Variants in ERAP2 observed in about 807,000 individuals in gnomAD.
ERAP2 encodes leukocyte-derived arginine aminopeptidase.
Under a neutral mutation model 111.1 loss-of-function variants are expected in ERAP2, and 118 were observed. The observed-to-expected ratio is 1.06, with a 90% CI of 0.92 to 1.24. ERAP2 has a LOEUF of 1.24. Ranked by LOEUF, ERAP2 falls within the 50% of genes most tolerant of loss-of-function variation. ERAP2 has a pLI of 0.00. For synonymous variants in ERAP2, 410 were observed against 401.2 expected (o/e 1.02, Z -0.26); for missense variants, 1,131 against 1,125.8 (o/e 1.00, Z -0.07).
chr5:96,893,513 C>T (rs1056139887), intron 6 of ERAP2, among the ~76,000 whole-genome samples: 6 of 152,142 alleles, frequency 3.9e-5, no homozygotes, highest in African/African-American at 1.4e-4. Context: ...GATCATGAGT[C>T]ACCAGGAGCT....
In ERAP2 at chr5:96,892,422, C is replaced by G; in HGVS notation, c.1094C>G (p.Thr365Ser). The G allele has an allele frequency of 6.2e-7, 1 of 1,613,996 alleles. No individual in the cohort carries two copies. The highest frequency in any genetic ancestry group is 1.1e-5 in the South Asian group (1 of 91,084). Reference protein sequence around the residue: ...TSSASDKLWVTRVIAHELAHQ... With the variant: ...TSSASDKLWVSRVIAHELAHQ... ...TCTGCTTCCGATAAACTGTGGGTCA[C>G]CAGAGTCATAGCCCATGAACTGGCG... Residue 365 changes from threonine to serine, a missense_variant, in exon 6 of 19, where the codon ACC becomes AGC. Thr to Ser is a moderately conservative substitution (Grantham distance 58). Around this residue, in one of 3 missense-constraint regions of ERAP2, gnomAD observed 847 missense variants for 856.5 expected, o/e 0.99. Transcript: ENST00000437043.
At chr5:96,902,811 A>G (rs1240766461) in intron 12 of ERAP2, 2 of 155,966 alleles carry the variant, frequency 1.3e-5, no homozygotes, top group African/African-American at 4.8e-5. Context: ...TAAAGACTAA[A>G]CCTCACAGAG....
At chr5:96,889,541 C>G (rs2151140907) in intron 5 of ERAP2, 1 of 689,862 alleles carries the variant, frequency 1.4e-6, no homozygotes, top group Admixed American at 2.2e-5. Context: ...GTTAACATAT[C>G]TGCATCGAAC....
chr5:96,876,866 G>A (rs1782587012), intron 1 of ERAP2, among the ~76,000 whole-genome samples: 1 of 152,140 alleles, frequency 6.6e-6, no homozygotes, highest in African/African-American at 2.4e-5. Flanking sequence ...CCAGACCAAA[G>A]GGCAAAGAGC....
Position 96,886,643 on chromosome 5 carries a change from T to C in ERAP2, c.715-12T>C, listed in dbSNP as rs755929019. 5 of 1,497,572 alleles carry C rather than the reference T, an allele frequency of 3.3e-6. No individual in the cohort carries two copies. The highest frequency in any genetic ancestry group is 1.3e-5 in the South Asian group (1 of 74,252). 92.8% of individuals were successfully genotyped at this position (1,497,572 alleles called of 1,614,324 possible). On this transcript the variant is annotated splice_polypyrimidine_tract_variant and intron_variant, in intron 3 of 18. Coordinates refer to ENST00000437043, the MANE Select transcript of ERAP2 (RefSeq NM_022350.5). ...GTTTTCAAGTACTGATTATTCCTTT[T>C]CCTTTCTGTAGGTTAAGACAATTGA...
chr5:96,878,906 C>T (rs1187723554), intron 1 of ERAP2, among the ~76,000 whole-genome samples: 1 of 152,104 alleles, frequency 6.6e-6, no homozygotes, highest in African/African-American at 2.4e-5. Context: ...CCAACCTGGA[C>T]AACAGCGAGA....
chr5:96,880,323 T>G lies in ERAP2; in HGVS notation c.575+63T>G. On this transcript the variant is annotated intron_variant, in intron 2 of 18. Coordinates refer to ENST00000437043, the MANE Select transcript of ERAP2 (RefSeq NM_022350.5). ...TAATTTCCTTACGAGTTACATCTCTTTGCCAGGAGCAGACTTCAGCAGCCA... is the reference window on the plus strand; with the variant it reads ...TAATTTCCTTACGAGTTACATCTCTGTGCCAGGAGCAGACTTCAGCAGCCA... The G allele has an allele frequency of 2.8e-6, 4 of 1,421,632 alleles. No individual in the cohort carries two copies. The African/African-American group carries it at 5.7e-5, about 20-fold the overall frequency. The allele number at this position is 1,421,632 out of a possible 1,614,324, so 88.1% of individuals were successfully genotyped here.
At chr5:96,898,025 G>A (rs1785040120) in intron 9 of ERAP2, among the ~76,000 whole-genome samples, 1 of 151,998 alleles carries the variant, frequency 6.6e-6, no homozygotes, top group South Asian at 2.1e-4. Flanking sequence ...GTGGAACCCC[G>A]TCTGTACTAG....
At chr5:96,902,696 G>A (rs1192250882) in intron 12 of ERAP2, 1 of 188,118 alleles carries the variant, frequency 5.3e-6, no homozygotes, top group Non-Finnish European at 1.1e-5. Context: ...CTTTAAAATT[G>A]ATTGCTTCTG....
chr5:96,882,917 C>G, intron 2 of ERAP2, among the ~76,000 whole-genome samples: 1 of 152,174 alleles, frequency 6.6e-6, no homozygotes, highest in East Asian at 1.9e-4. Context: ...CAGTCAAAAT[C>G]TGCTCTCCAA....
At chr5:96,910,068 C>T (rs553481650) in intron 15 of ERAP2, 12 of 218,408 alleles carry the variant, frequency 5.5e-5, no homozygotes, top group African/African-American at 2.2e-4. Flanking sequence ...AGTTCAAGAC[C>T]AGCCTGGCCA....
At chr5:96,900,423 T>C (rs961250413) in intron 10 of ERAP2, among the ~76,000 whole-genome samples, 1 of 152,198 alleles carries the variant, frequency 6.6e-6, no homozygotes, top group East Asian at 1.9e-4. Context: ...ACCCCACTGC[T>C]AGCTAAAAAT....
intron 15 of ERAP2, chr5:96,910,345 A>G (rs1435997751): frequency 6.6e-6 from 1 of 151,682 alleles, no homozygotes; most frequent in African/African-American, 2.4e-5. Context: ...TAAATCTGTG[A>G]GCTTTTTGAA....
At chr5:96,882,341 T>C (rs927786381) in intron 2 of ERAP2, among the ~76,000 whole-genome samples, 6 of 152,216 alleles carry the variant, frequency 3.9e-5, no homozygotes, top group African/African-American at 1.4e-4. Context: ...GGAGTAAAGC[T>C]GTAGGACTTT....
At chr5:96,898,988 T>C (rs1156384823) in intron 9 of ERAP2, among the ~76,000 whole-genome samples, 2 of 152,158 alleles carry the variant, frequency 1.3e-5, no homozygotes, top group Admixed American at 1.3e-4. Context: ...GAATCTATCA[T>C]TTGGTGTGCA....
At chr5:96,912,875 C>G in intron 16 of ERAP2, 77 bp downstream of exon 16, 1 of 1,235,368 alleles carries the variant, frequency 8.1e-7, no homozygotes, top group Non-Finnish European at 1.1e-6. Flanking sequence ...CTTCAGCCAC[C>G]AGTTTTAAAG....
At chr5:96,903,683 CA>C (rs1785731641) in intron 13 of ERAP2, 123 bp downstream of exon 13, 1 of 872,748 alleles carries the variant, frequency 1.1e-6, no homozygotes. Flanking sequence ...GGAATTCAAA[CA>C]GTGATCACTA....
At chr5:96,893,997 A>G (rs1291359061) in intron 6 of ERAP2, among the ~76,000 whole-genome samples, 1 of 152,188 alleles carries the variant, frequency 6.6e-6, no homozygotes, top group Non-Finnish European at 1.5e-5. Flanking sequence ...TGTCCTGGCA[A>G]AACTGATTAT....
chr5:96,879,754 C>A lies in ERAP2; in HGVS notation c.69C>A (p.Tyr23Ter). ...TGTTTAACATTCACAGAGGATTTTA[C>A]TGCTTAACAGCCATCTTGCCCCAAA... ...KPMFNIHRGF[Y>*]CLTAILPQIC... The change falls in exon 2 of 19, where the codon TAC (tyrosine) becomes TAA (stop). Residue 23 changes from tyrosine (Y) to a stop codon, truncating the protein, a stop_gained. Coordinates refer to ENST00000437043, the MANE Select transcript of ERAP2 (RefSeq NM_022350.5). LOFTEE classifies it high-confidence loss of function. 6.2e-7 allele frequency: 1 copy of A among 1,614,208 alleles called. No homozygotes were observed. Among genetic ancestry groups the A allele is most frequent in the Non-Finnish European group, 8.5e-7 (1 of 1,180,026 alleles).
Sources: allele counts gnomAD v4.1 joint callset (sites outside exome capture counted in the v4.1 genomes callset), GRCh38; gene constraint gnomAD v4.1.1; regional missense constraint gnomAD v4.1.1; transcripts MANE v1.5; gene names NCBI Gene and HGNC (gene_info 2026-07-23, HGNC 2026-07-21).